Variants in ALB observed in about 807,000 individuals in gnomAD.
The protein encoded by ALB is serum albumin.
Under a neutral mutation model 74.5 loss-of-function variants are expected in ALB, and 37 were observed. The ratio of observed to expected loss-of-function variants is 0.50; its 90% CI spans 0.38 to 0.65. The LOEUF (loss-of-function observed/expected upper bound fraction) is 0.65. Among genes scored for constraint, ALB ranks in the 30% least tolerant of loss-of-function variants. The probability of loss-of-function intolerance (pLI) is 0.00; values close to 1 mark genes in which losing one functional copy is unlikely to be tolerated. For missense variants in ALB, 685 were observed against 718.7 expected, an observed-to-expected ratio of 0.95 and a Z score of 0.54; for synonymous variants, 249 against 251.6, an observed-to-expected ratio of 0.99 and a Z score of 0.10.
At chr4:73,412,155 G>T in intron 7 of ALB, 30 bp downstream of exon 7, 1 of 1,613,412 alleles carries the variant, frequency 6.2e-7, no homozygotes, top group South Asian at 1.1e-5. Context: ...CTTTTTGGTA[G>T]CTTGCATGCT....
At position 73,417,529 on chromosome 4, in the gene ALB, A is replaced by G; in HGVS notation, c.1290-2A>G. On this transcript the variant is annotated splice_acceptor_variant, in intron 10 of 14. Coordinates refer to ENST00000295897, the MANE Select transcript of ALB (RefSeq NM_000477.7). LOFTEE classifies it high-confidence loss of function. ...TGAAAACACATGACTTCTTTTTTTC[A>G]GGCTATTAGTTCGTTACACCAAGAA... The G allele has an allele frequency of 6.2e-7, 1 of 1,613,976 alleles. No individual in the cohort carries two copies. Among genetic ancestry groups the G allele is most frequent in the Non-Finnish European group, 8.5e-7 (1 of 1,179,932 alleles).
chr4:73,418,281 C>T lies in ALB; in HGVS notation c.1622C>T (p.Ser541Phe). ...TTCCATGCAGATATATGCACACTTT[C>T]TGAGAAGGAGAGACAAATCAAGAAA... Reference protein sequence around the residue: ...FTFHADICTLSEKERQIKKQT... With the variant: ...FTFHADICTLFEKERQIKKQT... Residue 541 changes from serine (S) to phenylalanine (F), a missense_variant, in exon 12 of 15, where the codon TCT becomes TTT. Coordinates refer to ENST00000295897, the MANE Select transcript of ALB (RefSeq NM_000477.7). 8 of 1,613,900 alleles carry T rather than the reference C, an allele frequency of 5.0e-6. No homozygotes were observed. Among genetic ancestry groups the T allele is most frequent in the Non-Finnish European group, 6.8e-6 (8 of 1,179,940 alleles).
rs549406613 is a variant in ALB at position 73,419,251 on chromosome 4, G to A, written c.1653-256G>A. ...AAGAAATTTGTTGACACTACATAAC[G>A]TGATGAGTGGTTTATACTGATTGTT... On this transcript the variant is annotated intron_variant, in intron 12 of 14. Transcript: ENST00000295897. 2.9e-4 allele frequency: 122 copies of A among 425,852 alleles called. 1 individual carries two copies. The South Asian group carries it at 3.8e-3, about 13-fold the overall frequency. The allele number at this position is 425,852 out of a possible 1,614,324, so 26.4% of individuals were successfully genotyped here.
In ALB at chr4:73,421,147, T is replaced by G. The variant is rs1577943509; in HGVS notation, c.*79T>G. 1.4e-6 allele frequency: 1 copy of G among 694,468 alleles called. No homozygotes were observed. Among genetic ancestry groups the G allele is most frequent in the Non-Finnish European group, 2.6e-6 (1 of 382,254 alleles). The allele number at this position is 694,468 out of a possible 1,614,324, so 43.0% of individuals were successfully genotyped here. A position where few individuals can be genotyped will look rare whatever the true frequency, so the allele number is the denominator to read the frequency against. On this transcript the variant is annotated 3_prime_UTR_variant, in exon 15 of 15. Transcript: ENST00000295897. ...AGATCAAAAGCTTATTCATCTGTTT[T>G]TCTTTTTCGTTGGTGTAAAGCCAAC... is the stretch of plus-strand genomic sequence containing the variant.
intron 3 of ALB, among the ~76,000 whole-genome samples, chr4:73,408,284 TATA>T (rs1718784518): frequency 6.6e-6 from 1 of 152,202 alleles, no homozygotes. Flanking sequence ...TGATTTCTGT[TATA>T]ATGATTGCTC....
rs1719112149 is a variant in ALB at position 73,420,279 on chromosome 4, A to G, written c.1811A>G (p.Gln604Arg). The change falls in exon 14 of 15, where the codon CAA becomes CGA. Residue 604 changes from glutamine (Q) to arginine (R), a missense_variant. Coordinates refer to ENST00000295897, the MANE Select transcript of ALB (RefSeq NM_000477.7). ...EEGKKLVAAS[Q>R]AALGL is the part of the protein sequence containing the mutation. ...GGTAAAAAACTTGTTGCTGCAAGTC[A>G]AGCTGCCTTAGGCTTATAACATCAC... 2 of 1,613,200 alleles carry G rather than the reference A, an allele frequency of 1.2e-6. No homozygotes were observed. The highest frequency in any genetic ancestry group is 8.5e-7 in the Non-Finnish European group (1 of 1,179,414).
chr4:73,408,569 C>T, intron 3 of ALB, 25 bp from the exon 4 acceptor site: 1 of 1,607,122 alleles, frequency 6.2e-7, no homozygotes, highest in Non-Finnish European at 8.5e-7. Flanking sequence ...TGTCCAGCAA[C>T]TGAAACCTGC....
intron 8 of ALB, 28 bp from the exon 9 acceptor site, chr4:73,415,007 A>G: frequency 1.2e-6 from 2 of 1,612,644 alleles, no homozygotes; most frequent in Non-Finnish European, 1.7e-6. Context: ...TTGTCCAACA[A>G]AGTCTATTTT....
intron 12 of ALB, 78 bp downstream of exon 12, chr4:73,418,389 T>C (rs920448887): frequency 1.6e-6 from 2 of 1,256,064 alleles, no homozygotes; most frequent in Non-Finnish European, 2.3e-6. Context: ...AACTTTTTCC[T>C]GAAGTAGTGA....
At chr4:73,411,969 C>T in intron 6 of ALB, 27 bp from the exon 7 acceptor site, 1 of 1,613,610 alleles carries the variant, frequency 6.2e-7, no homozygotes, top group Non-Finnish European at 8.5e-7. Flanking sequence ...ATGATAATAC[C>T]ATTTTGATTG....
In ALB at chr4:73,421,434, A is replaced by G. The variant is rs539658146; in HGVS notation, c.*366A>G. 3.4e-4 allele frequency: 72 copies of G among 210,420 alleles called. No individual in the cohort carries two copies. Among genetic ancestry groups the G allele is most frequent in the Admixed American group, 5.2e-4 (9 of 17,172 alleles). 13.0% of individuals were successfully genotyped at this position (210,420 alleles called of 1,614,324 possible). A position where few individuals can be genotyped will look rare whatever the true frequency, so the allele number is the denominator to read the frequency against. On this transcript the variant is annotated 3_prime_UTR_variant, in exon 15 of 15. Transcript: ENST00000295897. ...CTAAGTTATGGATTATAAACATTCA[A>G]AATAATATTTTGACATTATGATAAT...
At position 73,418,405 on chromosome 4, in the gene ALB, T is replaced by C. The variant is rs1396277081; in HGVS notation, c.1652+94T>C. Reference sequence around the variant, plus strand: ...ACTTTTTCCTGAAGTAGTGATTATATTTCTTAGAGGAAAGTATTGGAGTGT... The same window carrying C: ...ACTTTTTCCTGAAGTAGTGATTATACTTCTTAGAGGAAAGTATTGGAGTGT... On this transcript the variant is annotated intron_variant, in intron 12 of 14. Coordinates refer to ENST00000295897, the MANE Select transcript of ALB (RefSeq NM_000477.7). The C allele has an allele frequency of 4.5e-6, 5 of 1,100,122 alleles. No homozygotes were observed. In the African/African-American group the frequency reaches 7.8e-5, roughly 17 times the overall value. 68.1% of individuals were successfully genotyped at this position (1,100,122 alleles called of 1,614,324 possible). A position where few individuals can be genotyped will look rare whatever the true frequency, so the allele number is the denominator to read the frequency against.
At chr4:73,404,496 T>C in intron 1 of ALB, 90 bp downstream of exon 1, 3 of 1,137,206 alleles carry the variant, frequency 2.6e-6, no homozygotes, top group Non-Finnish European at 4.0e-6. Flanking sequence ...TAAAGAATTA[T>C]TTTGGCATTT....
intron 10 of ALB, 99 bp from the exon 11 acceptor site, chr4:73,417,432 A>G: frequency 7.0e-7 from 1 of 1,430,360 alleles, no homozygotes; most frequent in Non-Finnish European, 9.9e-7. Context: ...AATGGAACAT[A>G]GCAACATCTT....
chr4:73,417,338 C>G (rs1719036975), intron 10 of ALB, among the ~76,000 whole-genome samples, 193 bp from the exon 11 acceptor site: 2 of 152,186 alleles, frequency 1.3e-5, no homozygotes, highest in African/African-American at 4.8e-5. Flanking sequence ...AGGTGGAACT[C>G]AAAGCCAAGT....
chr4:73,406,912 G>T, intron 3 of ALB, 151 bp downstream of exon 3: 1 of 859,556 alleles, frequency 1.2e-6, no homozygotes, highest in Non-Finnish European at 1.8e-6. Context: ...ATAAGCCATT[G>T]TTTCTTTTGT....
intron 6 of ALB, 75 bp from the exon 7 acceptor site, chr4:73,411,921 A>G: frequency 6.3e-7 from 1 of 1,575,608 alleles, no homozygotes; most frequent in South Asian, 1.1e-5. Flanking sequence ...TTCTTATGAG[A>G]AATAGTATTT....
chr4:73,412,662 C>A (rs1718910224), intron 7 of ALB, among the ~76,000 whole-genome samples: 1 of 152,168 alleles, frequency 6.6e-6, no homozygotes, highest in African/African-American at 2.4e-5. Context: ...CCAGACTGGT[C>A]TCGAACTCCT....
chr4:73,417,526 T>A lies in ALB; in HGVS notation c.1290-5T>A, dbSNP rs201944174. On this transcript the variant is annotated splice_region_variant and splice_polypyrimidine_tract_variant and intron_variant, in intron 10 of 14. Transcript: ENST00000295897. ...TGCTGAAAACACATGACTTCTTTTT[T>A]TCAGGCTATTAGTTCGTTACACCAA... The A allele has an allele frequency of 1.6e-5, 26 of 1,614,078 alleles. No homozygotes were observed. The highest frequency in any genetic ancestry group is 2.2e-5 in the Non-Finnish European group (26 of 1,179,978).
Sources: allele counts gnomAD v4.1 joint callset (sites outside exome capture counted in the v4.1 genomes callset), GRCh38; gene constraint gnomAD v4.1.1; transcripts MANE v1.5; gene names NCBI Gene and HGNC (gene_info 2026-07-23, HGNC 2026-07-21).